Variants in NRXN3 observed in about 807,000 individuals in gnomAD.
NRXN3 encodes the protein neurexin III.
NRXN3 carries 32 observed loss-of-function variants against 137.6 expected under a neutral mutation model. That is an observed-to-expected ratio of 0.23 (90% CI 0.18 to 0.31). The LOEUF is 0.31. Among genes scored for constraint, NRXN3 ranks in the 10% least tolerant of loss-of-function variants. The pLI is 1.00. For synonymous variants in NRXN3, 798 were observed against 784.5 expected, an observed-to-expected ratio of 1.02 and a Z score of -0.29; for missense variants, 1,574 against 2,062.5, an observed-to-expected ratio of 0.76 and a Z score of 4.59.
At chr14:79,695,536 T>G (rs1009894777) in intron 18 of NRXN3, among the ~76,000 whole-genome samples, 2 of 151,804 alleles carry the variant, frequency 1.3e-5, no homozygotes, top group African/African-American at 2.4e-5. Context: ...AATTTCTAAT[T>G]CATTATGTTA....
intron 4 of NRXN3, among the ~76,000 whole-genome samples, chr14:78,625,951 A>C (rs528468213): frequency 6.6e-6 from 1 of 152,318 alleles, no homozygotes; most frequent in East Asian, 1.9e-4. Flanking sequence ...ATGTCTGTAG[A>C]AGAGACTGTC....
intron 16 of NRXN3, among the ~76,000 whole-genome samples, chr14:79,607,379 T>C (rs2153843673): frequency 6.6e-6 from 1 of 152,284 alleles, no homozygotes; most frequent in African/African-American, 2.4e-5. Flanking sequence ...TATTCAGCAA[T>C]GTGTAGAATT....
intron 4 of NRXN3, among the ~76,000 whole-genome samples, chr14:78,562,099 T>C (rs1011403934): frequency 1.3e-5 from 2 of 151,964 alleles, no homozygotes; most frequent in African/African-American, 4.8e-5. Context: ...TAAAATATGG[T>C]GGTTTAACGC....
chr14:79,112,800 T>C (rs2053768392), intron 15 of NRXN3, among the ~76,000 whole-genome samples: 1 of 152,160 alleles, frequency 6.6e-6, no homozygotes, highest in Admixed American at 6.5e-5. Context: ...CCAAGATATG[T>C]AGTGGTAGAG....
At chr14:79,597,296 T>A (rs1185771593) in intron 16 of NRXN3, among the ~76,000 whole-genome samples, 1 of 152,208 alleles carries the variant, frequency 6.6e-6, no homozygotes, top group Non-Finnish European at 1.5e-5. Flanking sequence ...ATCAGCCCAG[T>A]GCAAGTTAAC....
At chr14:79,735,614 A>G (rs372848566) in intron 19 of NRXN3, among the ~76,000 whole-genome samples, 3 of 152,314 alleles carry the variant, frequency 2.0e-5, no homozygotes, top group Admixed American at 2.0e-4. Flanking sequence ...AACTTCACAC[A>G]CAGCCACTGT....
intron 15 of NRXN3, among the ~76,000 whole-genome samples, chr14:79,065,106 A>G (rs2099679155): frequency 1.3e-5 from 2 of 152,144 alleles, no homozygotes; most frequent in African/African-American, 4.8e-5. Context: ...CTAGAAAAAT[A>G]CTAGCATATG....
intron 4 of NRXN3, among the ~76,000 whole-genome samples, chr14:78,317,284 C>G (rs1176918094): frequency 6.6e-6 from 1 of 152,178 alleles, no homozygotes; most frequent in Non-Finnish European, 1.5e-5. Flanking sequence ...AGTGGTGGTT[C>G]ATGACCTGTT....
At chr14:78,966,883 A>C (rs929360468) in intron 12 of NRXN3, among the ~76,000 whole-genome samples, 7 of 152,222 alleles carry the variant, frequency 4.6e-5, no homozygotes, top group African/African-American at 7.2e-5. Context: ...AAACCAAAAC[A>C]AAAACCAAAA....
At chr14:78,981,933 C>T (rs1485646849) in intron 14 of NRXN3, among the ~76,000 whole-genome samples, 1 of 152,100 alleles carries the variant, frequency 6.6e-6, no homozygotes, top group Non-Finnish European at 1.5e-5. Flanking sequence ...AATAGGAGCT[C>T]ACAAAATGAT....
At position 78,847,156 on chromosome 14, in the gene NRXN3, A is replaced by G. The variant is rs564385712; in HGVS notation, c.2275+36812A>G. Among the ~76,000 whole-genome samples the G allele has an allele frequency of 2.0e-5, 3 of 152,106 alleles. No individual in the cohort carries two copies. The South Asian group carries it at 6.2e-4, about 32-fold the overall frequency. ...GTATAAAGAGAATTATGGCCAATGA[A>G]ACTCCATATGAGAGCCCTCCCCTCC... is the stretch of plus-strand genomic sequence containing the variant. On this transcript the variant is annotated intron_variant, in intron 10 of 20. Transcript: ENST00000335750.
intron 15 of NRXN3, among the ~76,000 whole-genome samples, chr14:79,060,754 G>T (rs2099673226): frequency 6.6e-6 from 1 of 152,154 alleles, no homozygotes; most frequent in East Asian, 1.9e-4. Context: ...GTTTGAAATA[G>T]GATGAAAATT....
At chr14:79,600,784 C>A (rs2097913439) in intron 16 of NRXN3, among the ~76,000 whole-genome samples, 1 of 151,990 alleles carries the variant, frequency 6.6e-6, no homozygotes, top group African/African-American at 2.4e-5. Context: ...GACAAGGCAT[C>A]CTTGGAAAAA....
At chr14:79,256,461 T>A (rs1043610445) in intron 15 of NRXN3, among the ~76,000 whole-genome samples, 1 of 152,218 alleles carries the variant, frequency 6.6e-6, no homozygotes, top group African/African-American at 2.4e-5. Flanking sequence ...CCATGCTACA[T>A]CATCAATACC....
chr14:79,074,841 G>T (rs1030309898), intron 15 of NRXN3: 1 of 152,140 alleles, frequency 6.6e-6, no homozygotes, highest in Non-Finnish European at 1.5e-5. Flanking sequence ...TAAGCCCCTT[G>T]TTTTGCTTGA....
At chr14:78,253,196 G>A (rs1030135685) in intron 2 of NRXN3, among the ~76,000 whole-genome samples, 3 of 152,316 alleles carry the variant, frequency 2.0e-5, no homozygotes, top group East Asian at 3.9e-4. Context: ...TTTGACTCAC[G>A]GCTTAGTTTT....
At chr14:79,265,514 A>G (rs146673151) in intron 15 of NRXN3, among the ~76,000 whole-genome samples, 62 of 152,228 alleles carry the variant, frequency 4.1e-4, no homozygotes, top group African/African-American at 1.4e-3. Flanking sequence ...TTATTCTTAA[A>G]GCCTCACCAC....
At chr14:78,363,636 A>T (rs1437975440) in intron 4 of NRXN3, among the ~76,000 whole-genome samples, 1 of 152,172 alleles carries the variant, frequency 6.6e-6, no homozygotes, top group East Asian at 1.9e-4. Flanking sequence ...GGTCTTTCCT[A>T]TTCGGCCCAT....
chr14:79,498,712 G>A (rs915145296), intron 16 of NRXN3, among the ~76,000 whole-genome samples: 7 of 152,090 alleles, frequency 4.6e-5, no homozygotes, highest in Admixed American at 3.3e-4. Flanking sequence ...TCTACTACTC[G>A]AAGCCACTCG....
Sources: allele counts gnomAD v4.1 joint callset (sites outside exome capture counted in the v4.1 genomes callset), GRCh38; gene constraint gnomAD v4.1.1; transcripts MANE v1.5; gene names NCBI Gene and HGNC (gene_info 2026-07-23, HGNC 2026-07-21).